PCDH9: variants seen among roughly 807,000 people sequenced by gnomAD.
The protein encoded by PCDH9 is protocadherin-9.
PCDH9 carries 24 observed loss-of-function variants against 70.6 expected under a neutral mutation model. The observed-to-expected ratio is 0.34, with a 90% confidence interval of 0.25 to 0.48. The LOEUF (loss-of-function observed/expected upper bound fraction) is 0.48, where lower values mean the gene tolerates loss of function less well. Among genes scored for constraint, PCDH9 ranks in the 20% least tolerant of loss-of-function variants. PCDH9 has a pLI of 0.99. For missense variants in PCDH9, 1,281 were observed against 1,503.6 expected (o/e 0.85, Z 2.45); for synonymous variants, 562 against 558.5 (o/e 1.01, Z -0.09).
chr13:66,645,849 G>T (rs1241051467), intron 3 of PCDH9, among the ~76,000 whole-genome samples: 1 of 152,068 alleles, frequency 6.6e-6, no homozygotes, highest in Non-Finnish European at 1.5e-5. Flanking sequence ...AAATGAAATA[G>T]GTATTATGAA....
chr13:67,048,417 C>G (rs565283154), intron 2 of PCDH9, among the ~76,000 whole-genome samples: 1 of 152,124 alleles, frequency 6.6e-6, no homozygotes, highest in Non-Finnish European at 1.5e-5. Context: ...CCTAAAGTGA[C>G]GCTGTCAAGA....
intron 2 of PCDH9, among the ~76,000 whole-genome samples, chr13:67,105,130 T>G (rs2086512468): frequency 6.6e-6 from 1 of 152,126 alleles, no homozygotes; most frequent in Non-Finnish European, 1.5e-5. Flanking sequence ...TTCAGTATTC[T>G]ATGTCTCCTT....
intron 3 of PCDH9, among the ~76,000 whole-genome samples, chr13:66,648,714 C>T (rs780649105): frequency 3.9e-4 from 59 of 152,012 alleles, no homozygotes; most frequent in Non-Finnish European, 7.4e-4. Context: ...AATCTCACCT[C>T]ACTAAAAAAA....
chr13:66,357,835 C>G (rs1399748722), intron 4 of PCDH9, among the ~76,000 whole-genome samples: 1 of 152,030 alleles, frequency 6.6e-6, no homozygotes, highest in Admixed American at 6.6e-5. Context: ...GCATGGAACG[C>G]AGAGCTTTAT....
chr13:66,935,374 A>T (rs1169004263), intron 2 of PCDH9, among the ~76,000 whole-genome samples: 4 of 152,304 alleles, frequency 2.6e-5, no homozygotes, highest in Middle Eastern at 3.4e-3. Flanking sequence ...TCTTTAAAAA[A>T]TTGAGCACTT....
intron 2 of PCDH9, among the ~76,000 whole-genome samples, chr13:67,098,170 A>C (rs1455719963): frequency 6.6e-6 from 1 of 152,200 alleles, no homozygotes; most frequent in Middle Eastern, 3.2e-3. Flanking sequence ...CAGGAGGAAC[A>C]AATGACTCTA....
intron 4 of PCDH9, among the ~76,000 whole-genome samples, chr13:66,563,984 C>T (rs935883140): frequency 6.6e-6 from 1 of 151,956 alleles, no homozygotes; most frequent in East Asian, 1.9e-4. Flanking sequence ...GACAGAACAT[C>T]GTCTATCATT....
At chr13:67,020,031 C>G (rs1426410417) in intron 2 of PCDH9, among the ~76,000 whole-genome samples, 2 of 152,130 alleles carry the variant, frequency 1.3e-5, no homozygotes, top group African/African-American at 4.8e-5. Flanking sequence ...AAATTTTGTA[C>G]ATTTCCTGCA....
chr13:66,581,799 G>T (rs984993665), intron 4 of PCDH9, among the ~76,000 whole-genome samples: 2 of 151,924 alleles, frequency 1.3e-5, no homozygotes, highest in African/African-American at 4.8e-5. Flanking sequence ...TGGTTCAATT[G>T]CCTACCACTG....
intron 4 of PCDH9, among the ~76,000 whole-genome samples, chr13:66,602,374 T>A (rs73515818): frequency 6.9e-6 from 1 of 145,978 alleles, no homozygotes; most frequent in Non-Finnish European, 1.5e-5. Context: ...ATACATGTTA[T>A]TGCCTCTGAA....
intron 3 of PCDH9, among the ~76,000 whole-genome samples, chr13:66,718,823 T>G (rs1428060458): frequency 6.6e-6 from 1 of 152,188 alleles, no homozygotes; most frequent in Non-Finnish European, 1.5e-5. Context: ...AAAGTTTTGA[T>G]ATTTTCTTGA....
In PCDH9 at chr13:67,178,004, C is replaced by T. The variant is rs184844467; in HGVS notation, c.3036+47401G>A. ...AGGGAAAGCAATACCTGCCCAACTG[C>T]CCAAGCCTGGCATGGAAAACATCTT... On this transcript the variant is annotated intron_variant, in intron 2 of 4. Coordinates refer to ENST00000377865, the MANE Select transcript of PCDH9 (RefSeq NM_203487.3). 1.1e-3 allele frequency among the ~76,000 whole-genome samples: 168 copies of T among 152,166 alleles called. 2 individuals carry two copies. The highest frequency in any genetic ancestry group is 3.9e-3 in the African/African-American group (163 of 41,538).
chr13:67,109,665 G>C (rs976140759), intron 2 of PCDH9, among the ~76,000 whole-genome samples: 1 of 152,082 alleles, frequency 6.6e-6, no homozygotes, highest in Non-Finnish European at 1.5e-5. Flanking sequence ...TTTCAAAAAC[G>C]TATCTCCAGT....
chr13:66,643,534 C>A (rs183490892), intron 3 of PCDH9, among the ~76,000 whole-genome samples: 7 of 152,144 alleles, frequency 4.6e-5, no homozygotes, highest in African/African-American at 1.7e-4. Context: ...CCTTTGAAAA[C>A]ATTACCGAGT....
At chr13:66,674,742 A>C (rs1487312882) in intron 3 of PCDH9, among the ~76,000 whole-genome samples, 1 of 152,082 alleles carries the variant, frequency 6.6e-6, no homozygotes, top group African/African-American at 2.4e-5. Context: ...CATGTCTTTA[A>C]TGTAATTCAG....
intron 4 of PCDH9, among the ~76,000 whole-genome samples, chr13:66,516,772 G>T (rs1168169655): frequency 1.3e-5 from 2 of 151,784 alleles, no homozygotes; most frequent in East Asian, 3.9e-4. Flanking sequence ...GTGTGTGTGT[G>T]CTTGTATGAG....
At chr13:66,519,926 A>G (rs2324916) in intron 4 of PCDH9, among the ~76,000 whole-genome samples, 145,772 of 152,200 alleles carry the variant, frequency 0.96, 70,149 homozygotes, top group East Asian at 1. Flanking sequence ...TTACTGAAAA[A>G]GTATCACACT....
At chr13:67,148,343 G>A (rs750395782) in intron 2 of PCDH9, among the ~76,000 whole-genome samples, 1 of 151,800 alleles carries the variant, frequency 6.6e-6, no homozygotes, top group African/African-American at 2.4e-5. Flanking sequence ...CAGACAGTTA[G>A]GGACCAATTA....
Position 66,740,518 on chromosome 13 carries a change from C to T in PCDH9, c.3139-109107G>A, listed in dbSNP as rs1251867866. 3.5e-5 allele frequency among the ~76,000 whole-genome samples: 5 copies of T among 143,314 alleles called. No homozygotes were observed. In the East Asian group the frequency reaches 1.1e-3, roughly 30 times the overall value. The allele number at this position is 143,314 out of a possible 152,430, so 94.0% of individuals were successfully genotyped here. On this transcript the variant is annotated intron_variant, in intron 3 of 4. Transcript: ENST00000377865. Reference sequence around the variant, plus strand: ...AGCAGAACTGAAGGAAATAGAGACACAAAAAACCCTTCAAAAAATTAATGA... The same window carrying T: ...AGCAGAACTGAAGGAAATAGAGACATAAAAAACCCTTCAAAAAATTAATGA...
Sources: allele counts gnomAD v4.1 joint callset (sites outside exome capture counted in the v4.1 genomes callset), GRCh38; gene constraint gnomAD v4.1.1; transcripts MANE v1.5; gene names NCBI Gene and HGNC (gene_info 2026-07-23, HGNC 2026-07-21).